CTNNA3: variants seen among roughly 807,000 people sequenced by gnomAD.
The protein encoded by CTNNA3 is catenin alpha 3.
A neutral mutation model predicts 95.7 loss-of-function variants in CTNNA3; 76 were observed. That is an observed-to-expected ratio of 0.79 (90% CI 0.66 to 0.96). CTNNA3 has a LOEUF of 0.96. Among genes scored for constraint, CTNNA3 ranks in the 40% least tolerant of loss-of-function variants. The pLI is 0.00. For synonymous variants in CTNNA3, 431 were observed against 374.4 expected (o/e 1.15, Z -1.74); for missense variants, 1,191 against 1,089.8 (o/e 1.09, Z -1.31).
At chr10:66,223,230 C>G (rs902341573) in intron 13 of CTNNA3, among the ~76,000 whole-genome samples, 1 of 151,924 alleles carries the variant, frequency 6.6e-6, no homozygotes, top group African/African-American at 2.4e-5. Flanking sequence ...GAATAAAACT[C>G]TACATGTCTA....
intron 5 of CTNNA3, among the ~76,000 whole-genome samples, chr10:67,220,365 C>A (rs1864596428): frequency 6.6e-6 from 1 of 152,134 alleles, no homozygotes; most frequent in Non-Finnish European, 1.5e-5. Context: ...AATCCTATAT[C>A]ATTCTTTCTT....
chr10:66,711,258 C>CAAAAAAAAAAA (rs56013857), intron 9 of CTNNA3, among the ~76,000 whole-genome samples: 173 of 117,996 alleles, frequency 1.5e-3, no homozygotes, highest in East Asian at 0.015. Context: ...GAACAAGAAA[C>CAAAAAAAAAAA]AAAAAAAAAA....
intron 7 of CTNNA3, among the ~76,000 whole-genome samples, chr10:66,871,685 T>G (rs1373538521): frequency 1.3e-5 from 2 of 152,074 alleles, no homozygotes; most frequent in Non-Finnish European, 2.9e-5. Context: ...AATGAAGTGC[T>G]GTTGAAGTAC....
chr10:67,559,564 A>G (rs12256569), intron 3 of CTNNA3, among the ~76,000 whole-genome samples: 8,757 of 152,200 alleles, frequency 0.058, 271 homozygotes, highest in South Asian at 0.14. Context: ...AAAACTGGAA[A>G]CTCTAAAAAG....
intron 5 of CTNNA3, among the ~76,000 whole-genome samples, chr10:67,312,753 T>C (rs1840864972): frequency 6.6e-6 from 1 of 152,086 alleles, no homozygotes; most frequent in African/African-American, 2.4e-5. Context: ...ATTTGACAAA[T>C]AGATGGACAG....
At chr10:65,947,282 TCTTAC>T (rs1279077534) in intron 17 of CTNNA3, among the ~76,000 whole-genome samples, 1 of 152,190 alleles carries the variant, frequency 6.6e-6, no homozygotes, top group African/African-American at 2.4e-5. Flanking sequence ...CACGGCATTT[TCTTAC>T]CTTTTTTCTT....
At chr10:66,156,306 C>A (rs1223909137) in intron 13 of CTNNA3, among the ~76,000 whole-genome samples, 2 of 151,920 alleles carry the variant, frequency 1.3e-5, no homozygotes, top group African/African-American at 4.8e-5. Flanking sequence ...TGTTCTATAT[C>A]TTGACTCTAT....
At chr10:66,021,480 A>G (rs924618584) in intron 15 of CTNNA3, among the ~76,000 whole-genome samples, 1 of 72,996 alleles carries the variant, frequency 1.4e-5, no homozygotes, top group African/African-American at 4.3e-5. Flanking sequence ...AAGAATTTAC[A>G]TTAAAAATAA....
At chr10:66,538,114 C>T (rs1280451071) in intron 10 of CTNNA3, among the ~76,000 whole-genome samples, 1 of 152,154 alleles carries the variant, frequency 6.6e-6, no homozygotes, top group Admixed American at 6.5e-5. Context: ...TTCTAAGACA[C>T]TATGGCCTCA....
intron 1 of CTNNA3, among the ~76,000 whole-genome samples, chr10:67,681,768 C>A (rs1370545030): frequency 6.6e-6 from 1 of 151,880 alleles, no homozygotes; most frequent in African/African-American, 2.4e-5. Flanking sequence ...AAAAATAAAA[C>A]AAAAGTCATA....
At chr10:66,658,580 C>T (rs147042915) in intron 9 of CTNNA3, among the ~76,000 whole-genome samples, 1 of 152,186 alleles carries the variant, frequency 6.6e-6, no homozygotes, top group Non-Finnish European at 1.5e-5. Flanking sequence ...CGTTAAGTGC[C>T]AGCATTGGAG....
chr10:67,308,273 A>G (rs1456842663), intron 5 of CTNNA3, among the ~76,000 whole-genome samples: 1 of 152,194 alleles, frequency 6.6e-6, no homozygotes, highest in African/African-American at 2.4e-5. Context: ...CCCATGTGTC[A>G]TCGGAGGGAC....
rs534149608 is a variant in CTNNA3 at position 66,406,885 on chromosome 10, T to C, written c.1532-27533A>G. Among the ~76,000 whole-genome samples, 4 of 152,312 alleles carry C rather than the reference T, an allele frequency of 2.6e-5. No individual in the cohort carries two copies. The East Asian group carries it at 7.7e-4, about 29-fold the overall frequency. The stretch of plus-strand genomic sequence containing the variant: ...ATTTAGTGAAATAACCATACTTATA[T>C]CTTCCTCATAGCAAAAGCAGATCAT... On this transcript the variant is annotated intron_variant, in intron 11 of 17. Transcript: ENST00000433211.
chr10:66,477,531 GA>G (rs1839369671), intron 11 of CTNNA3, among the ~76,000 whole-genome samples: 1 of 151,962 alleles, frequency 6.6e-6, no homozygotes, highest in African/African-American at 2.4e-5. Flanking sequence ...GACCCACTCT[GA>G]AAATTCACTC....
chr10:67,700,139 G>A (rs1841024259), upstream of CTNNA3, among the ~76,000 whole-genome samples: 1 of 152,246 alleles, frequency 6.6e-6, no homozygotes, highest in Admixed American at 6.5e-5. Flanking sequence ...AATGGGTGGA[G>A]CCCACCACAG....
intron 14 of CTNNA3, among the ~76,000 whole-genome samples, chr10:66,076,184 G>A (rs1433331424): frequency 6.6e-6 from 1 of 151,550 alleles, no homozygotes; most frequent in East Asian, 1.9e-4. Flanking sequence ...ATTTAATAGT[G>A]ACATGTACGT....
At chr10:66,902,249 A>G (rs1000335960) in intron 7 of CTNNA3, among the ~76,000 whole-genome samples, 15 of 152,226 alleles carry the variant, frequency 9.9e-5, no homozygotes, top group Non-Finnish European at 1.6e-4. Context: ...ACACAGCTAC[A>G]TGGAAACTGA....
intron 5 of CTNNA3, among the ~76,000 whole-genome samples, chr10:67,380,539 T>C (rs1336751844): frequency 1.3e-5 from 2 of 152,218 alleles, no homozygotes; most frequent in Non-Finnish European, 2.9e-5. Context: ...GTATGTGGCA[T>C]GACCTGTACT....
At chr10:67,700,350 C>T (rs977536574), upstream of CTNNA3, among the ~76,000 whole-genome samples, 11 of 152,274 alleles carry the variant, frequency 7.2e-5, no homozygotes, top group South Asian at 6.2e-4. Flanking sequence ...CCTTGACCCC[C>T]GAGCAGCCTA....
Sources: gnomAD v4.1 joint callset for allele counts (sites outside exome capture counted in the v4.1 genomes callset) on GRCh38, gnomAD v4.1.1 for gene constraint, MANE v1.5 for transcripts, NCBI Gene and HGNC (gene_info 2026-07-23, HGNC 2026-07-21) for gene names.